ALDH1A3: variants seen among roughly 807,000 people sequenced by gnomAD.
ALDH1A3 encodes the protein aldehyde dehydrogenase 1 family member A3.
Under a neutral mutation model 57.5 loss-of-function variants are expected in ALDH1A3, and 28 were observed. The ratio of observed to expected loss-of-function variants is 0.49; its 90% CI spans 0.36 to 0.67. The LOEUF (loss-of-function observed/expected upper bound fraction) is 0.67. ALDH1A3 is among the 30% of genes least tolerant of loss of function. The pLI is 0.00. For synonymous variants in ALDH1A3, 281 were observed against 264.8 expected (o/e 1.06, Z -0.59); for missense variants, 507 against 669.4 (o/e 0.76, Z 2.68).
intron 8 of ALDH1A3, among the ~76,000 whole-genome samples, chr15:100,900,144 T>G (rs2041751954): frequency 6.6e-6 from 1 of 152,238 alleles, no homozygotes; most frequent in African/African-American, 2.4e-5. Context: ...ATAAGACCCT[T>G]CTTTTACTCA....
At chr15:100,880,444 A>C (rs1596202541) in intron 1 of ALDH1A3, 1 of 359,356 alleles carries the variant, frequency 2.8e-6, no homozygotes, top group East Asian at 4.1e-5. Flanking sequence ...AGGGTCCGAG[A>C]GCGCCAAGAG....
chr15:100,887,821 TG>T lies in ALDH1A3; in HGVS notation c.345+112del. 7.2e-7 allele frequency: 1 copy of T among 1,379,992 alleles called. No individual in the cohort carries two copies. Among genetic ancestry groups the T allele is most frequent in the East Asian group, 2.5e-5 (1 of 39,246 alleles). 85.5% of individuals were successfully genotyped at this position (1,379,992 alleles called of 1,614,324 possible). ...TCACGGTCCTGGTTTTGTGTGGTCGTGGGTCTGTTCCATCCTCTGAGACACG... is the reference window on the plus strand; with the variant it reads ...TCACGGTCCTGGTTTTGTGTGGTCGTGGTCTGTTCCATCCTCTGAGACACG... On this transcript the variant is annotated intron_variant, in intron 3 of 12. Coordinates refer to ENST00000329841, the MANE Select transcript of ALDH1A3 (RefSeq NM_000693.4). The surrounding 1 kb of genome is among the most constrained non-coding windows in gnomAD (Gnocchi z 4.6).
chr15:100,881,090 T>G (rs1284301599), intron 1 of ALDH1A3: 4 of 152,258 alleles, frequency 2.6e-5, no homozygotes, highest in African/African-American at 9.6e-5. Context: ...GAAGTAGCAA[T>G]TATCTTTCTC....
At chr15:100,892,683 C>CTA (rs199883488) in intron 4 of ALDH1A3, 44 bp downstream of exon 4, 32,379 of 1,569,488 alleles carry the variant, frequency 0.021, 432 homozygotes, top group South Asian at 0.04. Context: ...CCCTTTGGGG[C>CTA]TATATCTTTT....
intron 9 of ALDH1A3, among the ~76,000 whole-genome samples, chr15:100,904,129 T>C (rs2041797977): frequency 6.6e-6 from 1 of 152,234 alleles, no homozygotes; most frequent in African/African-American, 2.4e-5. Flanking sequence ...CTTTGATCTA[T>C]TTGGAGTTTG....
In ALDH1A3 at chr15:100,905,132, A is replaced by T. The variant is rs186036046; in HGVS notation, c.1069-391A>T. Among the ~76,000 whole-genome samples the T allele has an allele frequency of 2.6e-5, 4 of 152,378 alleles. No homozygotes were observed. The East Asian group carries it at 7.7e-4, about 29-fold the overall frequency. On this transcript the variant is annotated intron_variant, in intron 9 of 12. Coordinates refer to ENST00000329841, the MANE Select transcript of ALDH1A3 (RefSeq NM_000693.4). ...TATGTGTCATTTTTCTGAAATTCAG[A>T]TTCACTGGGCATCCCGTATTTTTAT...
At chr15:100,898,058 T>A (rs756843650) in intron 7 of ALDH1A3, 25 bp from the exon 8 acceptor site, 5 of 1,604,516 alleles carry the variant, frequency 3.1e-6, no homozygotes, top group Non-Finnish European at 4.3e-6. Context: ...CCAAGGTAAA[T>A]TGTGATCTGT....
intron 12 of ALDH1A3, 103 bp downstream of exon 12, chr15:100,908,585 C>T: frequency 9.6e-7 from 1 of 1,036,780 alleles, no homozygotes. Context: ...CCCGTCCCCC[C>T]CACACCGCCG....
At chr15:100,899,191 A>T (rs1402085099) in intron 8 of ALDH1A3, among the ~76,000 whole-genome samples, 1 of 152,168 alleles carries the variant, frequency 6.6e-6, no homozygotes, top group Non-Finnish European at 1.5e-5. Flanking sequence ...GTGAAGATGG[A>T]CTTTCCATTT....
rs140400817 is a variant in ALDH1A3 at position 100,893,873 on chromosome 15, C to G, written c.538-81C>G. ...ATCCAGACCATGAAAAGCAAGTGTC[C>G]TCCACAAAGGCATCGTTGAGCACAT... is the stretch of plus-strand genomic sequence containing the variant. On this transcript the variant is annotated intron_variant, in intron 5 of 12. Transcript: ENST00000329841. The surrounding 1 kb of genome is among the most constrained non-coding windows in gnomAD (Gnocchi z 4.8). The G allele has an allele frequency of 1.1e-4, 163 of 1,536,790 alleles. 1 individual carries two copies. In the East Asian group the frequency reaches 2.8e-3, roughly 27 times the overall value.
In ALDH1A3 at chr15:100,907,256, G is replaced by A; in HGVS notation, c.1369G>A (p.Ala457Thr). The part of the protein sequence containing the change: ...NLDKALKLAS[A>T]LESGTVWINC... ...CGACAAAGCCCTGAAGTTGGCTTCT[G>A]CCTTAGAGTCTGGAACGGTCTGGTG... The change falls in exon 11 of 13, where the codon GCC becomes ACC. Residue 457 changes from alanine (A) to threonine (T), a missense_variant. By Grantham distance (58) the Ala-to-Thr change is moderately conservative. This residue lies in a region of ALDH1A3 where 432 missense variants were observed against 608.4 expected (regional missense o/e 0.71). Coordinates refer to ENST00000329841, the MANE Select transcript of ALDH1A3 (RefSeq NM_000693.4). 3 of 1,614,240 alleles carry A rather than the reference G, an allele frequency of 1.9e-6. No individual in the cohort carries two copies. The highest frequency in any genetic ancestry group is 2.5e-6 in the Non-Finnish European group (3 of 1,180,040).
chr15:100,903,568 C>T (rs2041792343), intron 9 of ALDH1A3, among the ~76,000 whole-genome samples: 1 of 152,202 alleles, frequency 6.6e-6, no homozygotes, highest in Non-Finnish European at 1.5e-5. Context: ...TAAGTGGGAA[C>T]ACATTTCTAA....
intron 9 of ALDH1A3, among the ~76,000 whole-genome samples, chr15:100,904,639 G>C (rs1180552472): frequency 4.6e-5 from 7 of 152,222 alleles, no homozygotes; most frequent in Non-Finnish European, 8.8e-5. Context: ...TCAGGAAGAA[G>C]GACCAGTGGA....
At position 100,885,240 on chromosome 15, in the gene ALDH1A3, A is replaced by G. The variant is rs779505959; in HGVS notation, c.100-27A>G. The G allele has an allele frequency of 2.7e-6, 4 of 1,501,726 alleles. No individual in the cohort carries two copies. The South Asian group carries it at 4.5e-5, about 17-fold the overall frequency. 93.0% of individuals were successfully genotyped at this position (1,501,726 alleles called of 1,614,324 possible). A position where few individuals can be genotyped will look rare whatever the true frequency, so the allele number is the denominator to read the frequency against. On this transcript the variant is annotated intron_variant, in intron 1 of 12. Transcript: ENST00000329841. The stretch of plus-strand genomic sequence containing the variant: ...ATTATATGATTTTGATCTAAACCTA[A>G]TTGGTTACACTTCCTTTCCTGGTTA...
intron 12 of ALDH1A3, among the ~76,000 whole-genome samples, chr15:100,911,012 A>C (rs1007386710): frequency 6.6e-6 from 1 of 152,246 alleles, no homozygotes; most frequent in African/African-American, 2.4e-5. Flanking sequence ...GACTCACTGG[A>C]CACAGCCCAT....
chr15:100,880,003 C>G lies in ALDH1A3; in HGVS notation c.96C>G (p.Thr32=). The G allele has an allele frequency of 6.8e-7, 1 of 1,464,606 alleles. No individual in the cohort carries two copies. 90.7% of individuals were successfully genotyped at this position (1,464,606 alleles called of 1,614,324 possible). The change falls in exon 1 of 13, where the codon ACC becomes ACG. Residue 32 remains threonine, a synonymous_variant. Coordinates refer to ENST00000329841, the MANE Select transcript of ALDH1A3 (RefSeq NM_000693.4). ...RPIRNLEVKF[T]KIFINNEWHE... is the part of the protein sequence containing the mutation. The stretch of plus-strand genomic sequence containing the variant: ...TCCGCAACCTGGAGGTCAAGTTCAC[C>G]AAGGTGAGGCGGGCGCCCCTCCCAC...
Position 100,893,896 on chromosome 15 carries a change from C to A in ALDH1A3, c.538-58C>A. 1 of 1,579,462 alleles carries A rather than the reference C, an allele frequency of 6.3e-7. No homozygotes were observed. The highest frequency in any genetic ancestry group is 8.6e-7 in the Non-Finnish European group (1 of 1,165,310). On this transcript the variant is annotated intron_variant, in intron 5 of 12. Transcript: ENST00000329841. This position sits in a 1 kb window ranked among gnomAD's most constrained non-coding sequence, Gnocchi z 4.8. ...TCCTCCACAAAGGCATCGTTGAGCACATGGGACAGGGTAAGAGGGTGGATC... is the reference window on the plus strand; with the variant it reads ...TCCTCCACAAAGGCATCGTTGAGCAAATGGGACAGGGTAAGAGGGTGGATC...
rs772377174 is a variant in ALDH1A3, at chr15:100,893,111, G to A, written c.537+105G>A. The stretch of plus-strand genomic sequence containing the variant: ...TGTGTTTTTATCTGATTGCACCAGC[G>A]TTGAACAAGCATTTTCTTCGTGGCA... On this transcript the variant is annotated intron_variant, in intron 5 of 12. Transcript: ENST00000329841. This position sits in a 1 kb window ranked among gnomAD's most constrained non-coding sequence, Gnocchi z 4.8. 1.7e-4 allele frequency: 178 copies of A among 1,034,616 alleles called. No homozygotes were observed. Among genetic ancestry groups the A allele is most frequent in the Non-Finnish European group, 2.4e-4 (170 of 708,376 alleles). 64.1% of individuals were successfully genotyped at this position (1,034,616 alleles called of 1,614,324 possible). A position where few individuals can be genotyped will look rare whatever the true frequency, so the allele number is the denominator to read the frequency against.
At chr15:100,884,368 C>G (rs989970521) in intron 1 of ALDH1A3, among the ~76,000 whole-genome samples, 1 of 152,166 alleles carries the variant, frequency 6.6e-6, no homozygotes, top group African/African-American at 2.4e-5. Flanking sequence ...TTAGTCTGCT[C>G]ATGATGTCTT....
Sources: allele counts gnomAD v4.1 joint callset (sites outside exome capture counted in the v4.1 genomes callset), GRCh38; gene constraint gnomAD v4.1.1; regional missense constraint gnomAD v4.1.1; non-coding constraint Gnocchi (gnomAD v3.1); transcripts MANE v1.5; gene names NCBI Gene and HGNC (gene_info 2026-07-23, HGNC 2026-07-21).